The following MMP15 variants were observed in gnomAD, a reference collection of about 807,000 sequenced individuals.
MMP15 encodes matrix metallopeptidase 15, also known as matrix metalloproteinase-15.
A neutral mutation model predicts 65.0 loss-of-function variants in MMP15; 36 were observed. That is an observed-to-expected ratio of 0.55 (90% confidence interval 0.42 to 0.73). The LOEUF (loss-of-function observed/expected upper bound fraction) is 0.73, where lower values mean the gene tolerates loss of function less well. MMP15 is among the 30% of genes least tolerant of loss of function. The pLI, the probability that MMP15 is intolerant of heterozygous loss-of-function variation, is 0.00. For synonymous variants in MMP15, 428 were observed against 410.2 expected (o/e 1.04, Z -0.52); for missense variants, 870 against 987.8 (o/e 0.88, Z 1.60).
intron 2 of MMP15, 21 bp downstream of exon 2, chr16:58,037,641 A>G: frequency 6.2e-7 from 1 of 1,613,938 alleles, no homozygotes; most frequent in Non-Finnish European, 8.5e-7. Context: ...CCCACCATCC[A>G]CACCCCACAG....
chr16:58,040,527 T>G lies in MMP15; in HGVS notation c.749-10T>G, dbSNP rs1959430752. 4 of 1,610,586 alleles carry G rather than the reference T, an allele frequency of 2.5e-6. No homozygotes were observed. Among genetic ancestry groups the G allele is most frequent in the Non-Finnish European group, 3.4e-6 (4 of 1,179,552 alleles). On this transcript the variant is annotated splice_polypyrimidine_tract_variant and intron_variant, in intron 4 of 9. Transcript: ENST00000219271. ...AGCTGACTGTGCTGCCCTCCTTCTC[T>G]CCCCAAAAGGAAACAACCTCTTCCT...
At position 58,042,309 on chromosome 16, in the gene MMP15, C is replaced by G. The variant is rs1959474353; in HGVS notation, c.1243C>G (p.Leu415Val). 6.2e-7 allele frequency: 1 copy of G among 1,614,272 alleles called. No individual in the cohort carries two copies. The highest frequency in any genetic ancestry group is 1.1e-5 in the South Asian group (1 of 91,086). Residue 415 changes from leucine (L) to valine (V), a missense_variant, in exon 7 of 10, where the codon CTG (leucine) becomes GTG (valine). Leu to Val is a conservative substitution (Grantham distance 32). Coordinates refer to ENST00000219271, the MANE Select transcript of MMP15 (RefSeq NM_002428.4). ...GCCCATCGGGCACTTCTGGCGTGGTCTGCCCGGTGACATCAGTGCTGCCTA... is the reference window on the plus strand; with the variant it reads ...GCCCATCGGGCACTTCTGGCGTGGTGTGCCCGGTGACATCAGTGCTGCCTA... Reference protein sequence around the residue: ...PMPIGHFWRGLPGDISAAYER... With the variant: ...PMPIGHFWRGVPGDISAAYER...
At chr16:58,026,534 T>G in intron 1 of MMP15, 22 bp downstream of exon 1, 1 of 1,307,756 alleles carries the variant, frequency 7.6e-7, no homozygotes, top group Non-Finnish European at 9.7e-7. Context: ...GCCCTGCCCT[T>G]TGGCTGCGGG....
chr16:58,038,466 C>T (rs1389456836), intron 3 of MMP15, 72 bp downstream of exon 3: 18 of 1,586,878 alleles, frequency 1.1e-5, no homozygotes, highest in Non-Finnish European at 1.5e-5. Context: ...TTTCCCAGAG[C>T]CCACCTCGGC....
intron 1 of MMP15, among the ~76,000 whole-genome samples, chr16:58,034,418 G>C (rs1459851757): frequency 1.3e-5 from 2 of 148,336 alleles, no homozygotes; most frequent in South Asian, 2.1e-4. Context: ...GTCCCACTTA[G>C]TGTGGCAGGA....
intron 1 of MMP15, among the ~76,000 whole-genome samples, chr16:58,034,563 G>A (rs915296028): frequency 5.3e-5 from 8 of 152,164 alleles, no homozygotes; most frequent in Admixed American, 2.6e-4. Flanking sequence ...CACCGGTCAG[G>A]CACGCTCTGC....
intron 1 of MMP15, among the ~76,000 whole-genome samples, chr16:58,034,858 G>T (rs530479660): frequency 6.6e-6 from 1 of 152,220 alleles, no homozygotes; most frequent in East Asian, 1.9e-4. Flanking sequence ...CCCCTCTGCC[G>T]GTCTCTGGAG....
intron 9 of MMP15, among the ~76,000 whole-genome samples, chr16:58,044,752 T>C (rs376467107): frequency 1.3e-5 from 2 of 152,188 alleles, no homozygotes; most frequent in African/African-American, 2.4e-5. Context: ...CAGCAGGCTA[T>C]AGGACCCTTC....
Position 58,041,743 on chromosome 16 carries a change from G to A in MMP15, c.1037G>A (p.Arg346Gln), listed in dbSNP as rs746816007. ...QPPPPGGKPE[R>Q]PPKPGPPVQP... ...CCACCCCCAGGTGGGAAGCCAGAGCGGCCCCCAAAGCCGGGCCCCCCAGTC... is the reference window on the plus strand; with the variant it reads ...CCACCCCCAGGTGGGAAGCCAGAGCAGCCCCCAAAGCCGGGCCCCCCAGTC... The change falls in exon 6 of 10, where the codon CGG becomes CAG. Residue 346 changes from arginine (R) to glutamine (Q), a missense_variant. Arg to Gln is a conservative substitution (Grantham distance 43). Coordinates refer to ENST00000219271, the MANE Select transcript of MMP15 (RefSeq NM_002428.4). The A allele has an allele frequency of 1.7e-5, 27 of 1,597,914 alleles. No homozygotes were observed. In the East Asian group the frequency reaches 2.5e-4, roughly 15 times the overall value.
In MMP15 at chr16:58,026,130, C is replaced by G; in HGVS notation, c.-221C>G. The G allele has an allele frequency of 2.4e-6, 1 of 424,986 alleles. No individual in the cohort carries two copies. Among genetic ancestry groups the G allele is most frequent in the South Asian group, 1.3e-4 (1 of 7,716 alleles). The allele number at this position is 424,986 out of a possible 1,614,324, so 26.3% of individuals were successfully genotyped here. On this transcript the variant is annotated 5_prime_UTR_variant, in exon 1 of 10. Coordinates refer to ENST00000219271, the MANE Select transcript of MMP15 (RefSeq NM_002428.4). The stretch of plus-strand genomic sequence containing the variant: ...CTCGCCGGGGGCAGCTCCGGTCGGC[C>G]CCCTTTCCCGCCGGCTGGTTCCGAG...
In MMP15 at chr16:58,043,292, C is replaced by A. The variant is rs1959490434; in HGVS notation, c.1386C>A (p.Pro462=). Residue 462 remains proline (P), a synonymous_variant, in exon 8 of 10, where the codon CCC becomes CCA. Transcript: ENST00000219271. The part of the protein sequence containing the change: ...QPLTSYGLGI[P]YDRIDTAIWW... ...TGACCAGCTATGGCCTGGGCATCCC[C>A]TATGACCGCATTGACACGGCCATCT... 3 of 1,604,942 alleles carry A rather than the reference C, an allele frequency of 1.9e-6. No individual in the cohort carries two copies. Among genetic ancestry groups the A allele is most frequent in the East Asian group, 2.2e-5 (1 of 44,478 alleles).
Position 58,043,225 on chromosome 16 carries a change from T to C in MMP15, c.1319T>C (p.Leu440Pro), listed in dbSNP as rs780596503. Residue 440 changes from leucine to proline, a missense_variant, in exon 8 of 10, where the codon CTC (leucine) becomes CCC (proline). Leu to Pro is a moderately conservative substitution (Grantham distance 98). Transcript: ENST00000219271. Reference protein sequence around the residue: ...FVFFKGDRYWLFREANLEPGY... With the variant: ...FVFFKGDRYWPFREANLEPGY... ...CCTCCTGTAGGTGACCGCTACTGGC[T>C]CTTTCGAGAAGCGAACCTGGAGCCC... 3.8e-6 allele frequency: 6 copies of C among 1,599,116 alleles called. No homozygotes were observed. The Admixed American group carries it at 1.0e-4, about 27-fold the overall frequency.
chr16:58,030,303 T>A (rs1251128483), intron 1 of MMP15, among the ~76,000 whole-genome samples: 1 of 152,128 alleles, frequency 6.6e-6, no homozygotes, highest in Non-Finnish European at 1.5e-5. Context: ...TGAGACACAG[T>A]AGGCACCATC....
In MMP15 at chr16:58,026,472, G is replaced by A; in HGVS notation, c.122G>A (p.Gly41Asp). Residue 41 changes from glycine to aspartate, a missense_variant, in exon 1 of 10, where the codon GGC (glycine) becomes GAC (aspartate). Coordinates refer to ENST00000219271, the MANE Select transcript of MMP15 (RefSeq NM_002428.4). ...CTCCTGGTGCTTCTGGGCTGCCTGG[G>A]CCTTGGCGTAGCGGCCGAAGACGCG... is the stretch of plus-strand genomic sequence containing the variant. ...PLLLVLLGCL[G>D]LGVAAEDAEV... 7.1e-7 allele frequency: 1 copy of A among 1,408,264 alleles called. No homozygotes were observed. The highest frequency in any genetic ancestry group is 9.3e-7 in the Non-Finnish European group (1 of 1,080,024). 87.2% of individuals were successfully genotyped at this position (1,408,264 alleles called of 1,614,324 possible).
intron 5 of MMP15, 133 bp from the exon 6 acceptor site, chr16:58,041,484 G>T: frequency 1.1e-6 from 1 of 912,736 alleles, no homozygotes; most frequent in Non-Finnish European, 1.7e-6. Context: ...ATGGAGGCAG[G>T]TGTTGGGGAG....
intron 5 of MMP15, 36 bp from the exon 6 acceptor site, chr16:58,041,581 C>T: frequency 1.3e-6 from 2 of 1,559,600 alleles, no homozygotes; most frequent in African/African-American, 1.4e-5. Flanking sequence ...TGAGTAGGAA[C>T]ACAGACCTCA....
intron 6 of MMP15, 82 bp from the exon 7 acceptor site, chr16:58,042,148 TG>T: frequency 6.6e-7 from 1 of 1,520,390 alleles, no homozygotes. Context: ...CACCCTCACC[TG>T]GGAAGGGGTG....
intron 1 of MMP15, among the ~76,000 whole-genome samples, chr16:58,036,568 T>G (rs1959334178): frequency 6.6e-6 from 1 of 152,214 alleles, no homozygotes; most frequent in South Asian, 2.1e-4. Flanking sequence ...TTTCCAAGGC[T>G]GTTTTCCTCA....
At chr16:58,032,662 A>T (rs1280255268) in intron 1 of MMP15, among the ~76,000 whole-genome samples, 1 of 152,206 alleles carries the variant, frequency 6.6e-6, no homozygotes, top group Admixed American at 6.5e-5. Flanking sequence ...CCCATTCAGC[A>T]CAGGCTCTGT....
Sources: allele counts gnomAD v4.1 joint callset (sites outside exome capture counted in the v4.1 genomes callset), GRCh38; gene constraint gnomAD v4.1.1; transcripts MANE v1.5; gene names NCBI Gene and HGNC (gene_info 2026-07-23, HGNC 2026-07-21).